MARK3: variants seen among roughly 807,000 people sequenced by gnomAD.
MARK3 encodes MAP/microtubule affinity-regulating kinase 3.
Under a neutral mutation model 90.1 loss-of-function variants are expected in MARK3, and 46 were observed. That is an observed-to-expected ratio of 0.51 (90% CI 0.40 to 0.65). MARK3 has a LOEUF of 0.65. MARK3 is among the 30% of genes least tolerant of loss of function. The probability of loss-of-function intolerance (pLI) is 0.00; values close to 1 mark genes in which losing one functional copy is unlikely to be tolerated. For missense variants in MARK3, 818 were observed against 947.2 expected (o/e 0.86, Z 1.79); for synonymous variants, 321 against 332.6 (o/e 0.97, Z 0.38).
intron 2 of MARK3, among the ~76,000 whole-genome samples, chr14:103,411,162 T>TG (rs1175508412): frequency 6.6e-6 from 1 of 151,974 alleles, no homozygotes; most frequent in Non-Finnish European, 1.5e-5. Flanking sequence ...TAGCCCCAGC[T>TG]GTTCAGGAGG....
At chr14:103,455,413 G>A (rs1300888564) in intron 5 of MARK3, among the ~76,000 whole-genome samples, 1 of 152,126 alleles carries the variant, frequency 6.6e-6, no homozygotes, top group Non-Finnish European at 1.5e-5. Context: ...AAACTTGACA[G>A]TATGTAATGC....
intron 2 of MARK3, chr14:103,412,078 GT>G (rs940506984): frequency 3.6e-5 from 20 of 549,700 alleles, no homozygotes; most frequent in East Asian, 1.1e-4. Flanking sequence ...TTTGTTTTTT[GT>G]TTTTTTTACT....
intron 3 of MARK3, among the ~76,000 whole-genome samples, chr14:103,448,618 A>G (rs1285535499): frequency 6.6e-6 from 1 of 152,178 alleles, no homozygotes; most frequent in Non-Finnish European, 1.5e-5. Flanking sequence ...ATTCCTGCGT[A>G]AGTCTGATCT....
rs1040198190 is a variant in MARK3, at chr14:103,490,765, A to C, written c.1587-1012A>C. 1.7e-5 allele frequency: 3 copies of C among 179,332 alleles called. No homozygotes were observed. In the Admixed American group the frequency reaches 1.9e-4, roughly 11 times the overall value. 11.1% of individuals were successfully genotyped at this position (179,332 alleles called of 1,614,324 possible). A position where few individuals can be genotyped will look rare whatever the true frequency, so the allele number is the denominator to read the frequency against. ...AGATTTTTATGATTACTGTTTGGAA[A>C]AAAAAAAAAGCAACTATAGGTTAGC... On this transcript the variant is annotated intron_variant, in intron 14 of 17. Coordinates refer to ENST00000429436, the MANE Select transcript of MARK3 (RefSeq NM_001128918.3).
intron 6 of MARK3, among the ~76,000 whole-genome samples, chr14:103,458,543 A>G (rs931126226): frequency 6.6e-6 from 1 of 152,128 alleles, no homozygotes; most frequent in African/African-American, 2.4e-5. Context: ...TTTATTTACA[A>G]AAACAGGGAT....
At chr14:103,476,020 A>C (rs550545036) in intron 13 of MARK3, among the ~76,000 whole-genome samples, 1 of 152,212 alleles carries the variant, frequency 6.6e-6, no homozygotes, top group South Asian at 2.1e-4. Context: ...ACTCATCTCC[A>C]AATACTGTTT....
chr14:103,433,631 G>A (rs2092645637), intron 3 of MARK3, among the ~76,000 whole-genome samples: 1 of 151,570 alleles, frequency 6.6e-6, no homozygotes, highest in African/African-American at 2.4e-5. Context: ...GTTGCAGTGA[G>A]CCGAGATCAC....
intron 5 of MARK3, among the ~76,000 whole-genome samples, chr14:103,453,602 C>T (rs1213656846): frequency 6.6e-6 from 1 of 152,080 alleles, no homozygotes. Context: ...TTATATATGT[C>T]TAGTTTGGGA....
intron 1 of MARK3, among the ~76,000 whole-genome samples, chr14:103,395,386 TTTTG>T (rs1321797388): frequency 6.6e-6 from 1 of 152,124 alleles, no homozygotes. Context: ...GTCTTGGTTT[TTTTG>T]TTTGTTTACT....
intron 3 of MARK3, among the ~76,000 whole-genome samples, chr14:103,436,483 T>G (rs1331601510): frequency 1.3e-5 from 2 of 152,046 alleles, no homozygotes; most frequent in Non-Finnish European, 2.9e-5. Flanking sequence ...ACAAAAGTAG[T>G]AACCACTGTA....
chr14:103,405,650 A>G (rs1331627092), intron 2 of MARK3, among the ~76,000 whole-genome samples: 2 of 150,578 alleles, frequency 1.3e-5, no homozygotes, highest in Non-Finnish European at 1.5e-5. Flanking sequence ...ATATATAGCT[A>G]CTATGTATTA....
chr14:103,477,497 A>T (rs1376677271), intron 13 of MARK3, among the ~76,000 whole-genome samples: 2 of 151,226 alleles, frequency 1.3e-5, no homozygotes, highest in African/African-American at 4.9e-5. Context: ...ATCTCAAAAA[A>T]TAAAAAAAAA....
At chr14:103,398,032 T>C (rs1191794017) in intron 1 of MARK3, among the ~76,000 whole-genome samples, 3 of 152,380 alleles carry the variant, frequency 2.0e-5, no homozygotes, top group Non-Finnish European at 4.4e-5. Flanking sequence ...ACATATGTCT[T>C]ATCTGTGCGC....
At chr14:103,436,222 A>G (rs1341051431) in intron 3 of MARK3, among the ~76,000 whole-genome samples, 1 of 151,962 alleles carries the variant, frequency 6.6e-6, no homozygotes, top group Admixed American at 6.6e-5. Context: ...CCCTTCCCCA[A>G]ATATTCTAAG....
At chr14:103,440,972 A>C (rs1226525022) in intron 3 of MARK3, among the ~76,000 whole-genome samples, 2 of 149,926 alleles carry the variant, frequency 1.3e-5, no homozygotes, top group Non-Finnish European at 3.0e-5. Flanking sequence ...AAATCTCATT[A>C]TGGTTTTAAT....
intron 3 of MARK3, among the ~76,000 whole-genome samples, chr14:103,434,045 G>GT (rs1468916521): frequency 6.6e-6 from 1 of 152,086 alleles, no homozygotes; most frequent in Non-Finnish European, 1.5e-5. Flanking sequence ...TTTCTTTTGA[G>GT]TTTTTGTTGT....
intron 12 of MARK3, among the ~76,000 whole-genome samples, chr14:103,469,777 T>G (rs2093589856): frequency 6.6e-6 from 1 of 151,874 alleles, no homozygotes. Context: ...TTTAAAATTT[T>G]CCTGGCCGGA....
At chr14:103,479,583 A>G (rs144363221) in intron 13 of MARK3, among the ~76,000 whole-genome samples, 21 of 145,748 alleles carry the variant, frequency 1.4e-4, no homozygotes, top group African/African-American at 4.5e-4. Flanking sequence ...TTAATGACCA[A>G]TGATATTGGG....
At chr14:103,401,578 C>T (rs1203053435) in intron 1 of MARK3, among the ~76,000 whole-genome samples, 1 of 152,164 alleles carries the variant, frequency 6.6e-6, no homozygotes, top group Non-Finnish European at 1.5e-5. Context: ...GAGAGCAAAA[C>T]ACAGGGCTGG....
Sources: allele counts gnomAD v4.1 joint callset (sites outside exome capture counted in the v4.1 genomes callset), GRCh38; gene constraint gnomAD v4.1.1; transcripts MANE v1.5; gene names NCBI Gene and HGNC (gene_info 2026-07-23, HGNC 2026-07-21).